TINAG: variants seen among roughly 807,000 people sequenced by gnomAD.
TINAG encodes the protein tubulointerstitial nephritis antigen.
TINAG carries 83 observed loss-of-function variants against 72.7 expected under a neutral mutation model. That is an observed-to-expected ratio of 1.14 (90% CI 0.96 to 1.37). The LOEUF is 1.37. TINAG is among the 40% of genes most tolerant of loss of function. The probability of loss-of-function intolerance (pLI) is 0.00; values close to 1 mark genes in which losing one functional copy is unlikely to be tolerated. For missense variants in TINAG, 685 were observed against 576.6 expected (o/e 1.19, Z -1.93); for synonymous variants, 234 against 189.9 (o/e 1.23, Z -1.91).
intron 9 of TINAG, among the ~76,000 whole-genome samples, chr6:54,368,776 G>A (rs1443954442): frequency 1.3e-5 from 2 of 151,488 alleles, no homozygotes; most frequent in African/African-American, 2.4e-5. Flanking sequence ...AACTTAAATT[G>A]AATTTTTTTA....
Position 54,324,620 on chromosome 6 carries a change from C to T in TINAG, c.510-2182C>T, listed in dbSNP as rs3822896. Among the ~76,000 whole-genome samples, 3,432 of 152,208 alleles carry T rather than the reference C, an allele frequency of 0.023. 270 individuals carry two copies. In the East Asian group the frequency reaches 0.3, roughly 13 times the overall value. On this transcript the variant is annotated intron_variant, in intron 3 of 10. Coordinates refer to ENST00000259782, the MANE Select transcript of TINAG (RefSeq NM_014464.4). The stretch of plus-strand genomic sequence containing the variant: ...CACTGTTTTCTCAAAACCAGCTCAC[C>T]CCAAACTGCAGTGATTAACTTCTAC...
intron 5 of TINAG, among the ~76,000 whole-genome samples, chr6:54,343,982 T>C (rs1474224605): frequency 2.0e-5 from 3 of 152,198 alleles, no homozygotes; most frequent in Non-Finnish European, 4.4e-5. Context: ...ACAAATCCAA[T>C]AAATTAGTTA....
At chr6:54,343,834 T>C (rs1785060227) in intron 5 of TINAG, among the ~76,000 whole-genome samples, 1 of 152,108 alleles carries the variant, frequency 6.6e-6, no homozygotes, top group South Asian at 2.1e-4. Context: ...TCATTTTAAA[T>C]AAATATAAGC....
At chr6:54,312,327 A>T (rs1784277418) in intron 1 of TINAG, among the ~76,000 whole-genome samples, 1 of 152,042 alleles carries the variant, frequency 6.6e-6, no homozygotes. Flanking sequence ...AATATATTTT[A>T]TAGTTGGTTG....
At chr6:54,320,075 T>C (rs1228267874) in intron 1 of TINAG, among the ~76,000 whole-genome samples, 1 of 152,120 alleles carries the variant, frequency 6.6e-6, no homozygotes, top group Non-Finnish European at 1.5e-5. Flanking sequence ...CTGAATTTTT[T>C]CCCTTATTCA....
At chr6:54,308,227 G>A (rs570356491), upstream of TINAG, 3 of 992,650 alleles carry the variant, frequency 3.0e-6, no homozygotes, top group South Asian at 1.5e-5. Context: ...TTTTTGAGAG[G>A]CATGCAATAG....
intron 10 of TINAG, among the ~76,000 whole-genome samples, chr6:54,387,571 G>A (rs1764131703): frequency 6.6e-6 from 1 of 152,208 alleles, no homozygotes; most frequent in South Asian, 2.1e-4. Flanking sequence ...AAGGCAACAT[G>A]GTAGACCTTC....
chr6:54,340,179 T>C (rs1019563644), intron 4 of TINAG, among the ~76,000 whole-genome samples: 3 of 152,158 alleles, frequency 2.0e-5, no homozygotes, highest in Non-Finnish European at 4.4e-5. Flanking sequence ...AGGGAGACTG[T>C]TCACATTGAA....
intron 4 of TINAG, among the ~76,000 whole-genome samples, chr6:54,333,175 T>A (rs1158362469): frequency 6.6e-6 from 1 of 152,152 alleles, no homozygotes; most frequent in East Asian, 1.9e-4. Flanking sequence ...ACACATATGT[T>A]TATTGCAGCA....
Position 54,343,272 on chromosome 6 carries a change from C to T in TINAG, c.671C>T (p.Ser224Phe), listed in dbSNP as rs1360962143. The T allele has an allele frequency of 1.9e-6, 3 of 1,584,850 alleles. No homozygotes were observed. Among genetic ancestry groups the T allele is most frequent in the African/African-American group, 1.4e-5 (1 of 73,934 alleles). Residue 224 changes from serine to phenylalanine, a missense_variant, in exon 5 of 11, where the codon TCT (serine) becomes TTT (phenylalanine). Transcript: ENST00000259782. ...GATCTTCCAGAGTTTTTTGTTGCTT[C>T]TTATAAATGGCCTGGATGGACTCAT... ...TTDLPEFFVA[S>F]YKWPGWTHGP...
intron 9 of TINAG, among the ~76,000 whole-genome samples, chr6:54,361,911 C>G (rs1392317675): frequency 6.6e-6 from 1 of 151,638 alleles, no homozygotes; most frequent in Admixed American, 6.6e-5. Flanking sequence ...GTCCTTAAGC[C>G]AAAGCCTAAT....
rs756005015 is a variant in TINAG at position 54,343,334 on chromosome 6, G to A, written c.733G>A (p.Ala245Thr). 2 of 1,547,688 alleles carry A rather than the reference G, an allele frequency of 1.3e-6. No homozygotes were observed. Among genetic ancestry groups the A allele is most frequent in the South Asian group, 1.3e-5 (1 of 77,288 alleles). The change falls in exon 5 of 11, where the codon GCA becomes ACA. Residue 245 changes from alanine to threonine, a missense_variant. Coordinates refer to ENST00000259782, the MANE Select transcript of TINAG (RefSeq NM_014464.4). ...LDQKNCAASWAFSTASVAADR... is the reference protein window; with the variant it reads ...LDQKNCAASWTFSTASVAADR... ...TCAAAAAAATTGTGCTGCATCCTGG[G>A]CATTTTCCACTGCAAGTAATAAAGT...
At chr6:54,319,056 T>TAC (rs1784433738) in intron 1 of TINAG, among the ~76,000 whole-genome samples, 2 of 152,098 alleles carry the variant, frequency 1.3e-5, no homozygotes, top group Admixed American at 6.6e-5. Context: ...AGTCAGCTAA[T>TAC]ACTCAGCTGA....
rs1344699031 is a variant in TINAG at position 54,313,380 on chromosome 6, C to A, written c.355+4475C>A. On this transcript the variant is annotated intron_variant, in intron 1 of 10. Transcript: ENST00000259782. ...AAGGGAAATTCACCCCTCACAGAAC[C>A]TGCACATAGTACATATTTACTTAAC... Among the ~76,000 whole-genome samples the A allele has an allele frequency of 3.3e-5, 5 of 152,198 alleles. No homozygotes were observed. In the East Asian group the frequency reaches 5.8e-4, roughly 18 times the overall value.
At chr6:54,337,345 T>C (rs544826272) in intron 4 of TINAG, among the ~76,000 whole-genome samples, 1 of 149,924 alleles carries the variant, frequency 6.7e-6, no homozygotes, top group East Asian at 2.0e-4. Context: ...CTCTGCCTCC[T>C]GAGTTCAACC....
At chr6:54,378,437 T>C (rs1763848624) in intron 9 of TINAG, among the ~76,000 whole-genome samples, 1 of 152,132 alleles carries the variant, frequency 6.6e-6, no homozygotes, top group Non-Finnish European at 1.5e-5. Context: ...TTATATATAA[T>C]AAACATGTTT....
chr6:54,359,646 T>C (rs1356895338), intron 9 of TINAG, among the ~76,000 whole-genome samples: 1 of 151,830 alleles, frequency 6.6e-6, no homozygotes, highest in Non-Finnish European at 1.5e-5. Context: ...AAAATTGGGA[T>C]CTTTATAAAT....
Position 54,349,824 on chromosome 6 carries a change from G to A in TINAG, c.1008G>A (p.Lys336=). 1 of 1,610,630 alleles carries A rather than the reference G, an allele frequency of 6.2e-7. No individual in the cohort carries two copies. The highest frequency in any genetic ancestry group is 1.1e-5 in the South Asian group (1 of 90,684). Residue 336 remains lysine (K), a synonymous_variant, in exon 7 of 11, where the codon AAG becomes AAA. Coordinates refer to ENST00000259782, the MANE Select transcript of TINAG (RefSeq NM_014464.4). The stretch of plus-strand genomic sequence containing the variant: ...GGCGAGGAAAACGGCATGCCACGAA[G>A]CCATGTCCCAACAACGTAGAAAAAT... ...SDGRGKRHAT[K]PCPNNVEKSN...
chr6:54,332,778 C>A (rs898310616), intron 4 of TINAG, among the ~76,000 whole-genome samples: 2 of 151,910 alleles, frequency 1.3e-5, no homozygotes, highest in Non-Finnish European at 2.9e-5. Flanking sequence ...ACAAGAAAAA[C>A]AAACAACCCC....
Sources: gnomAD v4.1 joint callset for allele counts (sites outside exome capture counted in the v4.1 genomes callset) on GRCh38, gnomAD v4.1.1 for gene constraint, MANE v1.5 for transcripts, NCBI Gene and HGNC (gene_info 2026-07-23, HGNC 2026-07-21) for gene names.